The following VPS13B variants were observed in gnomAD, a reference collection of about 807,000 sequenced individuals.
VPS13B encodes vacuolar protein sorting 13 homolog B, also known as intermembrane lipid transfer protein VPS13B.
VPS13B carries 285 observed loss-of-function variants against 426.4 expected under a neutral mutation model. The ratio of observed to expected loss-of-function variants is 0.67; its 90% CI spans 0.61 to 0.74. The LOEUF (loss-of-function observed/expected upper bound fraction) is 0.74, where lower values mean the gene tolerates loss of function less well. VPS13B is among the 30% of genes least tolerant of loss of function. The probability of loss-of-function intolerance (pLI) is 0.00; values close to 1 mark genes in which losing one functional copy is unlikely to be tolerated. For synonymous variants in VPS13B, 1,676 were observed against 1,676.4 expected (o/e 1.00, Z 0.01); for missense variants, 4,537 against 4,782.6 (o/e 0.95, Z 1.51).
chr8:99,720,283 C>A, intron 37 of VPS13B, 62 bp from the exon 38 acceptor site: 1 of 1,291,798 alleles, frequency 7.7e-7, no homozygotes, highest in South Asian at 1.2e-5. Context: ...ATGATTATAC[C>A]TAATTAGTCT....
At chr8:99,502,971 A>G (rs962928712) in intron 27 of VPS13B, 21 bp downstream of exon 27, 3 of 1,529,976 alleles carry the variant, frequency 2.0e-6, no homozygotes, top group Non-Finnish European at 1.8e-6. Context: ...AATAATGAAT[A>G]TAAGAAAATC....
chr8:99,407,665 TA>T (rs1196465174), intron 21 of VPS13B, among the ~76,000 whole-genome samples: 12 of 152,108 alleles, frequency 7.9e-5, no homozygotes, highest in African/African-American at 1.9e-4. Flanking sequence ...TTAATTAGTT[TA>T]TTTTTTTATT....
intron 25 of VPS13B, among the ~76,000 whole-genome samples, chr8:99,487,952 C>T (rs1820397439): frequency 1.3e-5 from 2 of 151,978 alleles, no homozygotes; most frequent in South Asian, 2.1e-4. Flanking sequence ...AATAGTTTTG[C>T]CTTGAAGTAA....
chr8:99,086,434 C>T (rs1042359841), intron 3 of VPS13B, among the ~76,000 whole-genome samples: 14 of 152,018 alleles, frequency 9.2e-5, no homozygotes, highest in African/African-American at 2.9e-4. Context: ...GTAGTTTGAT[C>T]GTCTGAAGCC....
At chr8:99,295,113 G>C (rs1455951481) in intron 19 of VPS13B, among the ~76,000 whole-genome samples, 1 of 152,088 alleles carries the variant, frequency 6.6e-6, no homozygotes, top group Non-Finnish European at 1.5e-5. Flanking sequence ...ATAAGCAGTA[G>C]AAAACAGTTA....
chr8:99,574,192 A>G (rs892535027), intron 31 of VPS13B, among the ~76,000 whole-genome samples: 8 of 152,102 alleles, frequency 5.3e-5, no homozygotes, highest in Admixed American at 3.9e-4. Context: ...AGCTTAAGGA[A>G]ATTTTGGGCT....
chr8:99,295,426 C>T (rs1356682399), intron 19 of VPS13B, among the ~76,000 whole-genome samples: 2 of 152,124 alleles, frequency 1.3e-5, no homozygotes, highest in Non-Finnish European at 2.9e-5. Context: ...AGCTACAGAA[C>T]ATATATGTAT....
In VPS13B at chr8:99,641,945, G is replaced by A. The variant is rs1172785221; in HGVS notation, c.5355G>A (p.Gln1785=). 4 of 1,614,004 alleles carry A rather than the reference G, an allele frequency of 2.5e-6. No homozygotes were observed. The East Asian group carries it at 8.9e-5, about 36-fold the overall frequency. Reference sequence around the variant, plus strand: ...AAATCAGAATAGTGCAAATAGAGCAGCACAGTGGTGCCAGTCAGCATCGCA... The same window carrying A: ...AAATCAGAATAGTGCAAATAGAGCAACACAGTGGTGCCAGTCAGCATCGCA... ...SVKIRIVQIE[Q]HSGASQHRIA... Residue 1785 remains glutamine, a synonymous_variant, in exon 34 of 62, where the codon CAG becomes CAA. Transcript: ENST00000357162.
At chr8:99,381,400 T>C (rs1393409461) in intron 19 of VPS13B, among the ~76,000 whole-genome samples, 1 of 152,212 alleles carries the variant, frequency 6.6e-6, no homozygotes, top group Non-Finnish European at 1.5e-5. Context: ...GAATCATTTA[T>C]ATGGTTTTGG....
intron 23 of VPS13B, among the ~76,000 whole-genome samples, chr8:99,459,653 A>G (rs1588402361): frequency 6.6e-6 from 1 of 152,232 alleles, no homozygotes; most frequent in East Asian, 1.9e-4. Flanking sequence ...TTTTTATTTT[A>G]TCTCAAACAT....
At chr8:99,362,139 C>CTTTTTT (rs71273181) in intron 19 of VPS13B, among the ~76,000 whole-genome samples, 6 of 119,744 alleles carry the variant, frequency 5.0e-5, no homozygotes, top group East Asian at 4.6e-4. Context: ...TTTAATTTGT[C>CTTTTTT]TTTTTTTTTT....
At position 99,699,969 on chromosome 8, in the gene VPS13B, A is replaced by G. The variant is rs568397133; in HGVS notation, c.6454+37A>G. On this transcript the variant is annotated intron_variant, in intron 36 of 61. Coordinates refer to ENST00000357162, the MANE Select transcript of VPS13B (RefSeq NM_152564.5). Reference sequence around the variant, plus strand: ...AAAAGGGGAGGGGGGAGACAGAACAAGTAAGATGATTTGTTAACATCTGAA... The same window carrying G: ...AAAAGGGGAGGGGGGAGACAGAACAGGTAAGATGATTTGTTAACATCTGAA... The G allele has an allele frequency of 5.6e-4, 899 of 1,604,058 alleles. 1 individual carries two copies. Among genetic ancestry groups the G allele is most frequent in the Non-Finnish European group, 7.0e-4 (827 of 1,176,066 alleles).
At chr8:99,740,340 C>T (rs1005318015) in intron 39 of VPS13B, among the ~76,000 whole-genome samples, 3 of 152,300 alleles carry the variant, frequency 2.0e-5, no homozygotes, top group South Asian at 2.1e-4. Flanking sequence ...ACCAAATCTA[C>T]GTCTGACTGG....
intron 44 of VPS13B, among the ~76,000 whole-genome samples, chr8:99,813,411 T>C (rs1018996514): frequency 6.6e-6 from 1 of 152,244 alleles, no homozygotes; most frequent in African/African-American, 2.4e-5. Context: ...AAGAGCCATG[T>C]GCATATATTG....
chr8:99,299,247 G>A (rs549974822), intron 19 of VPS13B, among the ~76,000 whole-genome samples: 23 of 151,728 alleles, frequency 1.5e-4, no homozygotes, highest in African/African-American at 5.6e-4. Flanking sequence ...ATTTTTAGTA[G>A]AGACGGGGTT....
At chr8:99,511,051 A>G (rs181958643) in intron 28 of VPS13B, 53 bp from the exon 29 acceptor site, 1 of 1,592,014 alleles carries the variant, frequency 6.3e-7, no homozygotes, top group East Asian at 2.2e-5. Flanking sequence ...TCCAATTTTT[A>G]AAAAAAATCT....
At chr8:99,186,364 T>C (rs1383907924) in intron 16 of VPS13B, among the ~76,000 whole-genome samples, 3 of 152,084 alleles carry the variant, frequency 2.0e-5, no homozygotes, top group Non-Finnish European at 4.4e-5. Flanking sequence ...ATTGACACTT[T>C]AATGACTCCC....
chr8:99,779,038 A>C lies in VPS13B; in HGVS notation c.7779+7A>C. ...AATACAAGCTTGGCAACAGGTATGC[A>C]CATTCCATAACAGTTTACAGTTTGG... is the stretch of plus-strand genomic sequence containing the variant. On this transcript the variant is annotated splice_region_variant and intron_variant, in intron 42 of 61. Transcript: ENST00000357162. 2 of 1,610,798 alleles carry C rather than the reference A, an allele frequency of 1.2e-6. No individual in the cohort carries two copies. The highest frequency in any genetic ancestry group is 8.5e-7 in the Non-Finnish European group (1 of 1,177,766).
At chr8:99,651,117 A>G (rs565094782) in intron 34 of VPS13B, among the ~76,000 whole-genome samples, 2 of 152,282 alleles carry the variant, frequency 1.3e-5, no homozygotes, top group South Asian at 4.1e-4. Context: ...CCTGTGAACA[A>G]CAAGGGATGA....
Sources: allele counts gnomAD v4.1 joint callset (sites outside exome capture counted in the v4.1 genomes callset), GRCh38; gene constraint gnomAD v4.1.1; transcripts MANE v1.5; gene names NCBI Gene and HGNC (gene_info 2026-07-23, HGNC 2026-07-21).